Variants in GPHN observed in about 807,000 individuals in gnomAD.
The protein encoded by GPHN is gephyrin.
In GPHN, 17 loss-of-function variants were observed where a neutral mutation model predicts 95.5. The observed-to-expected ratio is 0.18, with a 90% CI of 0.12 to 0.27. GPHN has a LOEUF of 0.27. Ranked by LOEUF, GPHN falls within the 10% of genes least tolerant of loss-of-function variation. The pLI is 1.00. For missense variants in GPHN, 660 were observed against 978.1 expected (o/e 0.67, Z 4.34); for synonymous variants, 320 against 322.5 (o/e 0.99, Z 0.08).
Position 66,638,083 on chromosome 14 carries a change from A to G in GPHN, c.65-43024A>G, listed in dbSNP as rs777412340. Among the ~76,000 whole-genome samples, 17 of 152,056 alleles carry G rather than the reference A, an allele frequency of 1.1e-4. 1 individual carries two copies. Among genetic ancestry groups the G allele is most frequent in the Non-Finnish European group, 1.8e-4 (12 of 68,006 alleles). On this transcript the variant is annotated intron_variant, in intron 1 of 22. Coordinates refer to ENST00000478722, the MANE Select transcript of GPHN (RefSeq NM_020806.5). The stretch of plus-strand genomic sequence containing the variant: ...TTATAAATCTGTGATATATTTTTGT[A>G]TCATAGTGTTCTTGTATTTCCTCCA...
rs139485032 is a variant in GPHN, at chr14:66,746,082, T to C, written c.144-30382T>C. On this transcript the variant is annotated intron_variant, in intron 2 of 22. Transcript: ENST00000478722. ...CATAGTTTGTTTATCTACTAACCCATTGAAAGACATTTGGGTTGCTTCCAG... is the reference window on the plus strand; with the variant it reads ...CATAGTTTGTTTATCTACTAACCCACTGAAAGACATTTGGGTTGCTTCCAG... Among the ~76,000 whole-genome samples the C allele has an allele frequency of 7.9e-5, 12 of 152,296 alleles. No individual in the cohort carries two copies. The East Asian group carries it at 2.3e-3, about 29-fold the overall frequency.
At chr14:67,450,948 G>C in the GPHN span, among the ~76,000 whole-genome samples, 1 of 152,194 alleles carries the variant, frequency 6.6e-6, no homozygotes, top group African/African-American at 2.4e-5. Context: ...GGAAAAAGTG[G>C]TTTTGTGAGC....
chr14:66,772,137 C>A (rs1256618228), intron 2 of GPHN, among the ~76,000 whole-genome samples: 1 of 150,766 alleles, frequency 6.6e-6, no homozygotes, highest in Non-Finnish European at 1.5e-5. Flanking sequence ...AGACAGATAA[C>A]CCTGTGTTGA....
chr14:66,563,383 G>A (rs981956297), intron 1 of GPHN, among the ~76,000 whole-genome samples: 8 of 152,018 alleles, frequency 5.3e-5, no homozygotes, highest in South Asian at 2.1e-4. Flanking sequence ...TGGTCCAAAG[G>A]CAAGAATGAA....
the GPHN span, among the ~76,000 whole-genome samples, chr14:67,389,014 C>T: frequency 6.6e-6 from 1 of 151,694 alleles, no homozygotes; most frequent in African/African-American, 2.4e-5. Context: ...TAGATTCCTG[C>T]ACATAGGACA....
At chr14:66,928,935 C>A (rs1224669655) in intron 8 of GPHN, among the ~76,000 whole-genome samples, 1 of 151,792 alleles carries the variant, frequency 6.6e-6, no homozygotes, top group Admixed American at 6.6e-5. Flanking sequence ...TATCGTCTGT[C>A]CTTGAGAATG....
intron 5 of GPHN, among the ~76,000 whole-genome samples, chr14:66,891,190 C>T (rs1483089936): frequency 1.3e-5 from 2 of 151,796 alleles, no homozygotes; most frequent in South Asian, 2.1e-4. Context: ...CAAGATTCCA[C>T]ACACAAAACC....
At chr14:67,726,970 T>C in the GPHN span, 4 of 1,611,426 alleles carry the variant, frequency 2.5e-6, no homozygotes, top group African/African-American at 1.3e-5. Flanking sequence ...CCCTGCTGGC[T>C]CTCCTCACAG....
At chr14:66,719,426 G>A (rs1330189238) in intron 2 of GPHN, among the ~76,000 whole-genome samples, 2 of 152,184 alleles carry the variant, frequency 1.3e-5, no homozygotes, top group Non-Finnish European at 1.5e-5. Context: ...GAGGATGTGT[G>A]TTCGGGGGCT....
intron 1 of GPHN, among the ~76,000 whole-genome samples, chr14:66,596,312 C>A (rs1164257951): frequency 6.6e-6 from 1 of 152,176 alleles, no homozygotes; most frequent in South Asian, 2.1e-4. Flanking sequence ...CAGTCCAGTC[C>A]CCAAACCTCA....
the GPHN span, among the ~76,000 whole-genome samples, chr14:67,266,250 G>A: frequency 6.6e-6 from 1 of 152,038 alleles, no homozygotes; most frequent in African/African-American, 2.4e-5. Context: ...TTAGATCATG[G>A]GGACTTTATT....
chr14:66,728,325 C>T (rs1448271089), intron 2 of GPHN, among the ~76,000 whole-genome samples: 1 of 152,172 alleles, frequency 6.6e-6, no homozygotes, highest in Non-Finnish European at 1.5e-5. Flanking sequence ...AGAGTCCCTA[C>T]TGGGGCACGG....
chr14:66,832,569 A>G (rs1047277486), intron 4 of GPHN, among the ~76,000 whole-genome samples: 4 of 152,080 alleles, frequency 2.6e-5, no homozygotes, highest in African/African-American at 9.7e-5. Context: ...TTATTTTTGT[A>G]TTGTCCACTG....
At chr14:66,903,892 G>A (rs1256837143) in intron 5 of GPHN, among the ~76,000 whole-genome samples, 4 of 152,056 alleles carry the variant, frequency 2.6e-5, no homozygotes, top group Non-Finnish European at 5.9e-5. Flanking sequence ...ACTTATCTTA[G>A]ATCACAGAAA....
At chr14:67,410,703 G>T in the GPHN span, among the ~76,000 whole-genome samples, 5 of 152,136 alleles carry the variant, frequency 3.3e-5, no homozygotes, top group Non-Finnish European at 7.3e-5. Context: ...CAGCCACCCC[G>T]GGAGGCAATG....
intron 1 of GPHN, among the ~76,000 whole-genome samples, chr14:66,618,586 T>C (rs2063150208): frequency 6.6e-6 from 1 of 152,204 alleles, no homozygotes; most frequent in African/African-American, 2.4e-5. Context: ...TGGAAAATAC[T>C]GGTCAGGGTC....
intron 1 of GPHN, among the ~76,000 whole-genome samples, chr14:66,572,253 A>G (rs1595028815): frequency 6.6e-6 from 1 of 152,170 alleles, no homozygotes; most frequent in South Asian, 2.1e-4. Flanking sequence ...TGGTCGTTCC[A>G]TGTGAATTTT....
chr14:67,303,446 G>A, the GPHN span: 6 of 1,175,532 alleles, frequency 5.1e-6, no homozygotes, highest in Non-Finnish European at 7.6e-6. Flanking sequence ...TCCAGTTTAG[G>A]GAATATAGAT....
intron 4 of GPHN, among the ~76,000 whole-genome samples, chr14:66,875,028 A>G (rs528503457): frequency 6.6e-6 from 1 of 151,874 alleles, no homozygotes; most frequent in Non-Finnish European, 1.5e-5. Flanking sequence ...GTTACCCACA[A>G]GGAAGCCCAT....
Sources: gnomAD v4.1 joint callset for allele counts (sites outside exome capture counted in the v4.1 genomes callset) on GRCh38, gnomAD v4.1.1 for gene constraint, MANE v1.5 for transcripts, NCBI Gene and HGNC (gene_info 2026-07-23, HGNC 2026-07-21) for gene names.